The following PHYH variants were observed in gnomAD, a reference collection of about 807,000 sequenced individuals.
The protein encoded by PHYH is phytanoyl-CoA dioxygenase, peroxisomal.
In PHYH, 32 loss-of-function variants were observed where a neutral mutation model predicts 38.5. The observed-to-expected ratio is 0.83, with a 90% CI of 0.63 to 1.12. The LOEUF (loss-of-function observed/expected upper bound fraction) is 1.12. Ranked by LOEUF, PHYH falls within the 50% of genes most tolerant of loss-of-function variation. PHYH has a pLI of 0.00. For missense variants in PHYH, 426 were observed against 434.8 expected, an observed-to-expected ratio of 0.98 and a Z score of 0.18; for synonymous variants, 166 against 157.9, an observed-to-expected ratio of 1.05 and a Z score of -0.38.
chr10:13,280,645 C>A (rs11258305), intron 8 of PHYH, among the ~76,000 whole-genome samples: 30,733 of 152,092 alleles, frequency 0.2, 3,224 homozygotes, highest in South Asian at 0.31. Context: ...CCATGCCCAG[C>A]CAGAAGGCAA....
At chr10:13,284,938 G>A (rs1835509448) in intron 6 of PHYH, among the ~76,000 whole-genome samples, 1 of 152,066 alleles carries the variant, frequency 6.6e-6, no homozygotes, top group Non-Finnish European at 1.5e-5. Flanking sequence ...CCCACACTAA[G>A]CTAATCATAC....
At chr10:13,289,092 C>G (rs1835636029) in intron 5 of PHYH, among the ~76,000 whole-genome samples, 1 of 152,160 alleles carries the variant, frequency 6.6e-6, no homozygotes, top group African/African-American at 2.4e-5. Flanking sequence ...TCCACATCTT[C>G]AAATCCCGCA....
rs1299725638 is a variant in PHYH at position 13,291,892 on chromosome 10, G to A, written c.435C>T (p.Cys145=). ...TGGCCATAATATTAGGTCCAGTGAA[G>A]CACTCCACATATTTCAGAATCTAAG... ...TLPEILKYVE[C]FTGPNIMAMH... Residue 145 remains cysteine (C), a synonymous_variant, in exon 5 of 9, where the codon TGC becomes TGT. Transcript: ENST00000263038. The A allele has an allele frequency of 6.2e-7, 1 of 1,606,792 alleles. No homozygotes were observed. Among genetic ancestry groups the A allele is most frequent in the Admixed American group, 1.7e-5 (1 of 59,894 alleles).
intron 2 of PHYH, among the ~76,000 whole-genome samples, chr10:13,296,237 G>C (rs903719138): frequency 2.7e-4 from 37 of 139,204 alleles, no homozygotes; most frequent in Non-Finnish European, 5.7e-4. Flanking sequence ...GCATTTCTAA[G>C]ACCAAGGAAA....
At chr10:13,285,606 C>CTTTTT (rs36040564) in intron 6 of PHYH, among the ~76,000 whole-genome samples, 6 of 127,536 alleles carry the variant, frequency 4.7e-5, no homozygotes, top group Non-Finnish European at 6.6e-5. Context: ...CTTTTCTTTT[C>CTTTTT]TTTTTTTTTT....
intron 5 of PHYH, among the ~76,000 whole-genome samples, chr10:13,289,484 C>CA (rs34944549): frequency 6.6e-6 from 1 of 152,196 alleles, no homozygotes; most frequent in Admixed American, 6.5e-5. Context: ...CGTGAGCCAC[C>CA]ACGCCCGGCC....
intron 3 of PHYH, 29 bp from the exon 4 acceptor site, chr10:13,294,625 G>C: frequency 6.2e-7 from 1 of 1,606,908 alleles, no homozygotes; most frequent in South Asian, 1.1e-5. Flanking sequence ...AAATGATGTC[G>C]TTACCGCTGG....
chr10:13,293,277 A>G (rs1327502524), intron 4 of PHYH, among the ~76,000 whole-genome samples: 8 of 152,010 alleles, frequency 5.3e-5, no homozygotes, highest in Non-Finnish European at 1.2e-4. Context: ...ACCCTTAGTT[A>G]GCTCACTTGT....
chr10:13,292,125 G>T (rs1478900391), intron 4 of PHYH, among the ~76,000 whole-genome samples: 1 of 152,130 alleles, frequency 6.6e-6, no homozygotes, highest in African/African-American at 2.4e-5. Context: ...GGCTTTTTCT[G>T]AGCTAGCTGG....
At position 13,292,049 on chromosome 10, in the gene PHYH, T is replaced by C. The variant is rs916661629; in HGVS notation, c.415-137A>G. 3 of 682,328 alleles carry C rather than the reference T, an allele frequency of 4.4e-6. No individual in the cohort carries two copies. In the African/African-American group the frequency reaches 5.4e-5, roughly 12 times the overall value. 42.3% of individuals were successfully genotyped at this position (682,328 alleles called of 1,614,324 possible). ...AGAACCAAGCGGTATTTCACAACAT[T>C]GCAAACAAAGCATGAAAAACCCAGC... On this transcript the variant is annotated intron_variant, in intron 4 of 8. Coordinates refer to ENST00000263038, the MANE Select transcript of PHYH (RefSeq NM_006214.4).
intron 4 of PHYH, 92 bp downstream of exon 4, chr10:13,294,336 G>T: frequency 1.7e-6 from 2 of 1,163,234 alleles, no homozygotes; most frequent in Non-Finnish European, 2.6e-6. Flanking sequence ...GATTACAGGA[G>T]TGAGCCACTG....
intron 2 of PHYH, among the ~76,000 whole-genome samples, chr10:13,296,509 G>A (rs181438762): frequency 6.8e-6 from 1 of 147,632 alleles, no homozygotes; most frequent in African/African-American, 2.5e-5. Flanking sequence ...ATTGCAGTGA[G>A]CCAGGATTGC....
chr10:13,282,946 G>A (rs977666272), intron 7 of PHYH, among the ~76,000 whole-genome samples: 1 of 151,664 alleles, frequency 6.6e-6, no homozygotes, highest in Non-Finnish European at 1.5e-5. Flanking sequence ...AATGGAAGAC[G>A]AAATTTGGCC....
intron 3 of PHYH, chr10:13,294,922 C>T (rs556997189): frequency 1.3e-5 from 5 of 386,308 alleles, no homozygotes; most frequent in East Asian, 6.3e-5. Context: ...TATATTTCAC[C>T]GTATTTAGTC....
chr10:13,285,615 T>G (rs1159870098), intron 6 of PHYH, among the ~76,000 whole-genome samples: 1 of 150,064 alleles, frequency 6.7e-6, no homozygotes. Flanking sequence ...TCTTTTTTTT[T>G]TTTTTTTGAG....
intron 6 of PHYH, among the ~76,000 whole-genome samples, chr10:13,287,210 G>A (rs10796052): frequency 0.27 from 40,684 of 151,592 alleles, 5,545 homozygotes; most frequent in South Asian, 0.34. Context: ...GTGGTGGTGC[G>A]CGCCTATAAT....
At position 13,294,438 on chromosome 10, in the gene PHYH, G is replaced by C. The variant is rs770170910; in HGVS notation, c.404C>G (p.Thr135Ser). 7 of 1,614,080 alleles carry C rather than the reference G, an allele frequency of 4.3e-6. No individual in the cohort carries two copies. The highest frequency in any genetic ancestry group is 2.2e-5 in the East Asian group (1 of 44,880). The change falls in exon 4 of 9, where the codon ACT (threonine) becomes AGT (serine). Residue 135 changes from threonine to serine, a missense_variant. Coordinates refer to ENST00000263038, the MANE Select transcript of PHYH (RefSeq NM_006214.4). ...QEDKELFRYC[T>S]LPEILKYVEC... is the part of the protein sequence containing the mutation. ...AGGGTGGTCTCTGACCTCGGGGAGA[G>C]TGCAGTATCTGAAGAGCTCCTTATC...
chr10:13,295,997 A>G (rs566861230), intron 2 of PHYH, among the ~76,000 whole-genome samples: 2 of 152,006 alleles, frequency 1.3e-5, no homozygotes, highest in South Asian at 4.2e-4. Flanking sequence ...GTGAAACCCC[A>G]TGTTTACTGA....
rs765498995 is a variant in PHYH at position 13,288,454 on chromosome 10, G to A, written c.584C>T (p.Ala195Val). The change falls in exon 6 of 9, where the codon GCG becomes GTG. Residue 195 changes from alanine (A) to valine (V), a missense_variant. Ala to Val is a moderately conservative substitution (Grantham distance 64, BLOSUM62 0). Coordinates refer to ENST00000263038, the MANE Select transcript of PHYH (RefSeq NM_006214.4). ...PSDLIVCAWT[A>V]MEHISRNNGC... Reference sequence around the variant, plus strand: ...GTTGTTCCGGCTGATGTGCTCCATCGCCGTCCAGGCGCAAACGATGAGATC... The same window carrying A: ...GTTGTTCCGGCTGATGTGCTCCATCACCGTCCAGGCGCAAACGATGAGATC... The A allele has an allele frequency of 8.1e-6, 13 of 1,614,216 alleles. No homozygotes were observed. In the South Asian group the frequency reaches 1.3e-4, roughly 16 times the overall value.
Sources: allele counts gnomAD v4.1 joint callset (sites outside exome capture counted in the v4.1 genomes callset), GRCh38; gene constraint gnomAD v4.1.1; transcripts MANE v1.5; gene names NCBI Gene and HGNC (gene_info 2026-07-23, HGNC 2026-07-21).